The following SLC35D1 variants were observed in gnomAD, a reference collection of about 807,000 sequenced individuals.
SLC35D1 encodes the protein nucleotide sugar transporter SLC35D1.
Under a neutral mutation model 46.7 loss-of-function variants are expected in SLC35D1, and 31 were observed. That is an observed-to-expected ratio of 0.66 (90% CI 0.50 to 0.90). The LOEUF (loss-of-function observed/expected upper bound fraction) is 0.90, where lower values mean the gene tolerates loss of function less well. Ranked by LOEUF, SLC35D1 falls within the 40% of genes least tolerant of loss-of-function variation. The pLI is 0.00. For synonymous variants in SLC35D1, 195 were observed against 164.6 expected, an observed-to-expected ratio of 1.18 and a Z score of -1.41; for missense variants, 397 against 426.2, an observed-to-expected ratio of 0.93 and a Z score of 0.60.
At chr1:67,009,052 G>A (rs370452939) in intron 11 of SLC35D1, 33 bp downstream of exon 11, 24 of 1,025,052 alleles carry the variant, frequency 2.3e-5, no homozygotes, top group South Asian at 7.9e-5. Context: ...ATCCAATTCC[G>A]ATTTTGCAAT....
At chr1:66,986,863 A>G in the SLC35D1 span, 1 of 161,526 alleles carries the variant, frequency 6.2e-6, no homozygotes, top group African/African-American at 2.4e-5. Flanking sequence ...ATGAATCCAA[A>G]GTATCCTAGC....
rs375256736 is a variant in SLC35D1, at chr1:67,042,336, A to G, written c.637-8T>C. 9.3e-6 allele frequency: 15 copies of G among 1,613,122 alleles called. No homozygotes were observed. The African/African-American group carries it at 1.3e-4, about 14-fold the overall frequency. On this transcript the variant is annotated splice_region_variant and splice_polypyrimidine_tract_variant and intron_variant, in intron 7 of 11. Transcript: ENST00000235345. ...TCCATATTTTCCCAGCTCCTAGGAC[A>G]GTAAATAATTAGGTGTTTCATCTGC...
At chr1:66,976,791 T>A in the SLC35D1 span, 1 of 1,291,374 alleles carries the variant, frequency 7.7e-7, no homozygotes, top group Non-Finnish European at 1.0e-6. Context: ...TTTCTTGAGT[T>A]AATTATTATT....
chr1:67,053,793 C>A lies in SLC35D1; in HGVS notation c.203+18G>T. Reference sequence around the variant, plus strand: ...CGCTCCTCCTCCGCGGCCTGGGCCGCCGCCGCCTCGGCCCTACCTGTAATT... The same window carrying A: ...CGCTCCTCCTCCGCGGCCTGGGCCGACGCCGCCTCGGCCCTACCTGTAATT... On this transcript the variant is annotated intron_variant, in intron 1 of 11. Transcript: ENST00000235345. 1 of 1,562,902 alleles carries A rather than the reference C, an allele frequency of 6.4e-7. No individual in the cohort carries two copies. Among genetic ancestry groups the A allele is most frequent in the Middle Eastern group, 1.8e-4 (1 of 5,632 alleles).
intron 8 of SLC35D1, among the ~76,000 whole-genome samples, chr1:67,028,645 T>C (rs1667960862): frequency 6.6e-6 from 1 of 152,182 alleles, no homozygotes; most frequent in African/African-American, 2.4e-5. Flanking sequence ...TCCTTGTGTG[T>C]GTGCCTTTAA....
chr1:67,018,152 T>G (rs1442758237), intron 10 of SLC35D1, among the ~76,000 whole-genome samples: 1 of 152,180 alleles, frequency 6.6e-6, no homozygotes, highest in African/African-American at 2.4e-5. Context: ...TTCAAAATTA[T>G]GTCAGCCTCT....
chr1:67,043,344 C>T (rs1339161061), intron 7 of SLC35D1, among the ~76,000 whole-genome samples: 1 of 151,952 alleles, frequency 6.6e-6, no homozygotes, highest in East Asian at 1.9e-4. Flanking sequence ...TGTACTCCAA[C>T]CTGGGTAACA....
the SLC35D1 span, chr1:66,976,814 C>T: frequency 4.6e-6 from 5 of 1,098,408 alleles, no homozygotes; most frequent in Admixed American, 1.2e-4. Context: ...GATAATCTTG[C>T]TTTTATATAC....
At chr1:67,033,945 C>T (rs2815365) in intron 8 of SLC35D1, among the ~76,000 whole-genome samples, 91,511 of 152,056 alleles carry the variant, frequency 0.6, 28,989 homozygotes, top group East Asian at 0.84. Flanking sequence ...GAGACTGTCC[C>T]TTCCCCAGTG....
the SLC35D1 span, among the ~76,000 whole-genome samples, chr1:66,991,257 C>G: frequency 2.6e-5 from 4 of 152,128 alleles, no homozygotes; most frequent in Non-Finnish European, 4.4e-5. Context: ...ACAGCATCTC[C>G]CATTGCTTGT....
chr1:67,052,762 T>A lies in SLC35D1; in HGVS notation c.324+9A>T. 6.2e-7 allele frequency: 1 copy of A among 1,613,932 alleles called. No homozygotes were observed. The highest frequency in any genetic ancestry group is 8.5e-7 in the Non-Finnish European group (1 of 1,179,770). ...TTCACAAAATAAAGTATCGCTTTTC[T>A]TCTTTTACCTTTCGAGGTACATTTC... On this transcript the variant is annotated intron_variant, in intron 3 of 11. Transcript: ENST00000235345.
At chr1:67,030,480 GGTT>G (rs1372494014) in intron 8 of SLC35D1, among the ~76,000 whole-genome samples, 1 of 152,032 alleles carries the variant, frequency 6.6e-6, no homozygotes, top group East Asian at 1.9e-4. Flanking sequence ...TCATCTACAG[GGTT>G]GTTATCAGAA....
chr1:67,037,840 C>T (rs533589252), intron 8 of SLC35D1, among the ~76,000 whole-genome samples: 1 of 152,088 alleles, frequency 6.6e-6, no homozygotes, highest in East Asian at 1.9e-4. Flanking sequence ...AATTCTTTCC[C>T]TGAAAAATTA....
At chr1:67,034,392 G>A (rs567516273) in intron 8 of SLC35D1, among the ~76,000 whole-genome samples, 33 of 152,120 alleles carry the variant, frequency 2.2e-4, no homozygotes, top group African/African-American at 7.7e-4. Flanking sequence ...GGCTTTCACT[G>A]TAAAGACTTT....
At chr1:66,990,988 G>C in the SLC35D1 span, among the ~76,000 whole-genome samples, 1 of 152,230 alleles carries the variant, frequency 6.6e-6, no homozygotes, top group African/African-American at 2.4e-5. Flanking sequence ...ATAATCATTT[G>C]TCTCTCCTGC....
chr1:67,041,403 T>C (rs184007868), intron 8 of SLC35D1, among the ~76,000 whole-genome samples: 13 of 152,312 alleles, frequency 8.5e-5, no homozygotes, highest in East Asian at 1.9e-4. Context: ...AACAATTTAA[T>C]AGTCCAACAG....
chr1:67,006,023 CCT>C lies in SLC35D1; in HGVS notation c.960-1577_960-1576del, dbSNP rs1491382430. Among the ~76,000 whole-genome samples the C allele has an allele frequency of 3.9e-5, 6 of 152,104 alleles. No individual in the cohort carries two copies. The East Asian group carries it at 1.2e-3, about 29-fold the overall frequency. ...TTACACTTTTTATTGTCTTTCCCCCCCTTTCTGTGGAAAATGGGGTCTCGCTA... is the reference window on the plus strand; with the variant it reads ...TTACACTTTTTATTGTCTTTCCCCCCTTCTGTGGAAAATGGGGTCTCGCTA... On this transcript the variant is annotated intron_variant, in intron 11 of 11. Coordinates refer to ENST00000235345, the MANE Select transcript of SLC35D1 (RefSeq NM_015139.3).
At chr1:67,046,958 C>T (rs1392801036) in intron 7 of SLC35D1, among the ~76,000 whole-genome samples, 2 of 152,154 alleles carry the variant, frequency 1.3e-5, no homozygotes, top group African/African-American at 4.8e-5. Flanking sequence ...CCAGGTCCCT[C>T]GGAAAGTCCT....
At chr1:67,023,984 G>A (rs12062086) in intron 8 of SLC35D1, among the ~76,000 whole-genome samples, 17,178 of 147,116 alleles carry the variant, frequency 0.12, 2,380 homozygotes, top group African/African-American at 0.34. Context: ...TCACTATGTC[G>A]CCCAGGCTGG....
Sources: allele counts gnomAD v4.1 joint callset (sites outside exome capture counted in the v4.1 genomes callset), GRCh38; gene constraint gnomAD v4.1.1; transcripts MANE v1.5; gene names NCBI Gene and HGNC (gene_info 2026-07-23, HGNC 2026-07-21).